The following KCNQ1 variants were observed in gnomAD, a reference collection of about 807,000 sequenced individuals.
KCNQ1 encodes the protein potassium voltage-gated channel subfamily Q member 1.
In KCNQ1, 49 loss-of-function variants were observed where a neutral mutation model predicts 72.4. The observed-to-expected ratio is 0.68, with a 90% CI of 0.54 to 0.86. The LOEUF (loss-of-function observed/expected upper bound fraction) is 0.86, where lower values mean the gene tolerates loss of function less well. Among genes scored for constraint, KCNQ1 ranks in the 40% least tolerant of loss-of-function variants. The pLI is 0.00. For synonymous variants in KCNQ1, 450 were observed against 412.6 expected (o/e 1.09, Z -1.10); for missense variants, 790 against 945.1 (o/e 0.84, Z 2.15).
rs1846815102 is a variant in KCNQ1 at position 2,781,076 on chromosome 11, C to T, written c.1794+3039C>T. On this transcript the variant is annotated intron_variant, in intron 15 of 15. Transcript: ENST00000155840. The surrounding 1 kb of genome is among the most constrained non-coding windows in gnomAD (Gnocchi z 6.6). ...GCGAGTCTACTTCCTGCGGGCCTCC[C>T]TCCCCTGTCAAATGAGAGGGTTTGA... 6.6e-6 allele frequency among the ~76,000 whole-genome samples: 1 copy of T among 152,160 alleles called. No homozygotes were observed. Among genetic ancestry groups the T allele is most frequent in the Admixed American group, 6.5e-5 (1 of 15,280 alleles).
intron 11 of KCNQ1, among the ~76,000 whole-genome samples, chr11:2,742,345 C>A (rs920938574): frequency 6.6e-6 from 1 of 152,198 alleles, no homozygotes; most frequent in Non-Finnish European, 1.5e-5. Flanking sequence ...AGGCATCAGG[C>A]GGCCTCAGGC....
chr11:2,672,952 A>G, intron 11 of KCNQ1: 1 of 398,802 alleles, frequency 2.5e-6, no homozygotes. Flanking sequence ...GCAAGGAATC[A>G]TGAACCCCAG....
intron 1 of KCNQ1, among the ~76,000 whole-genome samples, chr11:2,456,694 G>A (rs1430026712): frequency 6.6e-6 from 1 of 150,418 alleles, no homozygotes. Flanking sequence ...GGCCAAGGTG[G>A]GCAGATCACC....
chr11:2,733,828 T>TCTCTCTCC (rs1845901488), intron 11 of KCNQ1, among the ~76,000 whole-genome samples: 1 of 29,390 alleles, frequency 3.4e-5, no homozygotes, highest in Non-Finnish European at 7.3e-5. Flanking sequence ...TCTCACTCTC[T>TCTCTCTCC]CTCTCTCTCT....
In KCNQ1 at chr11:2,690,310, C is replaced by A. The variant is rs1850567621; in HGVS notation, c.1514+28229C>A. The A allele has an allele frequency of 7.5e-6, 3 of 398,680 alleles. No individual in the cohort carries two copies. Among genetic ancestry groups the A allele is most frequent in the African/African-American group, 2.1e-5 (1 of 48,752 alleles). The allele number at this position is 398,680 out of a possible 1,614,324, so 24.7% of individuals were successfully genotyped here. A position where few individuals can be genotyped will look rare whatever the true frequency, so the allele number is the denominator to read the frequency against. On this transcript the variant is annotated intron_variant, in intron 11 of 15. Coordinates refer to ENST00000155840, the MANE Select transcript of KCNQ1 (RefSeq NM_000218.3). This position sits in a 1 kb window ranked among gnomAD's most constrained non-coding sequence, Gnocchi z 5.1. The stretch of plus-strand genomic sequence containing the variant: ...TGTCTTCCTCCCTGTAGGATTGTCA[C>A]AAGGATTAAATGATGTCAAGTCTGA...
intron 2 of KCNQ1, among the ~76,000 whole-genome samples, chr11:2,561,563 G>A (rs1018220803): frequency 3.9e-4 from 60 of 152,354 alleles, no homozygotes; most frequent in African/African-American, 1.4e-3. Flanking sequence ...CATTTTACAG[G>A]TGTGGATGCT....
intron 2 of KCNQ1, among the ~76,000 whole-genome samples, chr11:2,561,020 G>A (rs1486591250): frequency 6.6e-6 from 1 of 151,732 alleles, no homozygotes; most frequent in Non-Finnish European, 1.5e-5. Flanking sequence ...GGCTAACACG[G>A]TGAAACCCCG....
Position 2,674,450 on chromosome 11 carries a change from G to C in KCNQ1, c.1514+12369G>C, listed in dbSNP as rs1305408055. ...GACCACAGAGGCTGGGGGGAGGCAC[G>C]TGGGGAGGAGGGCTGCCTGTCGAGA... On this transcript the variant is annotated intron_variant, in intron 11 of 15. Transcript: ENST00000155840. The surrounding 1 kb of genome is among the most constrained non-coding windows in gnomAD (Gnocchi z 5.9). 1.0e-5 allele frequency: 4 copies of C among 398,574 alleles called. No individual in the cohort carries two copies. The highest frequency in any genetic ancestry group is 1.3e-5 in the Non-Finnish European group (3 of 226,124). 24.7% of individuals were successfully genotyped at this position (398,574 alleles called of 1,614,324 possible).
At chr11:2,641,069 T>C (rs1336133535) in intron 10 of KCNQ1, 9 of 398,438 alleles carry the variant, frequency 2.3e-5, no homozygotes, top group Non-Finnish European at 4.0e-5. Flanking sequence ...TATCCACTGA[T>C]GTACACTTAG....
rs546430696 is a variant in KCNQ1 at position 2,664,179 on chromosome 11, T to C, written c.1514+2098T>C. ...CTGTTCCAAAAGTGGCTGCTAGATA[T>C]GAGCCAGCCTGGGAAGGCAGGAAGG... On this transcript the variant is annotated intron_variant, in intron 11 of 15. Transcript: ENST00000155840. This position sits in a 1 kb window ranked among gnomAD's most constrained non-coding sequence, Gnocchi z 5.1. 24 of 398,574 alleles carry C rather than the reference T, an allele frequency of 6.0e-5. 1 individual carries two copies. The East Asian group carries it at 7.1e-4, about 12-fold the overall frequency. 24.7% of individuals were successfully genotyped at this position (398,574 alleles called of 1,614,324 possible). A position where few individuals can be genotyped will look rare whatever the true frequency, so the allele number is the denominator to read the frequency against.
Position 2,732,413 on chromosome 11 carries a change from C to T in KCNQ1, c.1515-36431C>T, listed in dbSNP as rs113288780. On this transcript the variant is annotated intron_variant, in intron 11 of 15. Transcript: ENST00000155840. ...CCTCCTCTTTCCACACTATTCCTGA[C>T]GCCTGGGCTGGGCAGGGGACTCCTG... 3.5e-3 allele frequency among the ~76,000 whole-genome samples: 535 copies of T among 152,302 alleles called. 6 individuals are homozygous for T. Among genetic ancestry groups the T allele is most frequent in the African/African-American group, 0.012 (488 of 41,564 alleles).
In KCNQ1 at chr11:2,769,586, C is replaced by G. The variant is rs973500006; in HGVS notation, c.1590+667C>G. ...ATTGATGGCAGGCATGTCTCCCCTCCTGCCTTGGGGACATTCCTCGGATGA... is the reference window on the plus strand; with the variant it reads ...ATTGATGGCAGGCATGTCTCCCCTCGTGCCTTGGGGACATTCCTCGGATGA... On this transcript the variant is annotated intron_variant, in intron 12 of 15. Transcript: ENST00000155840. The surrounding 1 kb of genome is among the most constrained non-coding windows in gnomAD (Gnocchi z 4.6). 1.3e-5 allele frequency among the ~76,000 whole-genome samples: 2 copies of G among 152,244 alleles called. No individual in the cohort carries two copies. Among genetic ancestry groups the G allele is most frequent in the African/African-American group, 2.4e-5 (1 of 41,472 alleles).
chr11:2,664,707 G>T lies in KCNQ1; in HGVS notation c.1514+2626G>T. 1 of 398,762 alleles carries T rather than the reference G, an allele frequency of 2.5e-6. No individual in the cohort carries two copies. Among genetic ancestry groups the T allele is most frequent in the Non-Finnish European group, 4.4e-6 (1 of 226,166 alleles). 24.7% of individuals were successfully genotyped at this position (398,762 alleles called of 1,614,324 possible). ...GGCCCCATGGACCCTGAACTGGGAAGAGAGGCACACGCCCTGGTGTGTGTG... is the reference window on the plus strand; with the variant it reads ...GGCCCCATGGACCCTGAACTGGGAATAGAGGCACACGCCCTGGTGTGTGTG... On this transcript the variant is annotated intron_variant, in intron 11 of 15. Transcript: ENST00000155840. This position sits in a 1 kb window ranked among gnomAD's most constrained non-coding sequence, Gnocchi z 5.1.
intron 11 of KCNQ1, chr11:2,675,592 C>G (rs1850279342): frequency 2.5e-6 from 1 of 398,502 alleles, no homozygotes; most frequent in South Asian, 1.3e-4. Flanking sequence ...CTAGGAGATC[C>G]CAATTGCTCC....
In KCNQ1 at chr11:2,450,616, G is replaced by A. The variant is rs549599337; in HGVS notation, c.386+5132G>A. On this transcript the variant is annotated intron_variant, in intron 1 of 15. Coordinates refer to ENST00000155840, the MANE Select transcript of KCNQ1 (RefSeq NM_000218.3). This position sits in a 1 kb window ranked among gnomAD's most constrained non-coding sequence, Gnocchi z 7.9. ...CTGCTTGCATCTGGGGTCCCTGCGG[G>A]CACGTCGGTGAGACCGTCCTGGCCT... Among the ~76,000 whole-genome samples, 7 of 152,168 alleles carry A rather than the reference G, an allele frequency of 4.6e-5. No homozygotes were observed. Among genetic ancestry groups the A allele is most frequent in the Non-Finnish European group, 8.8e-5 (6 of 67,992 alleles).
chr11:2,533,967 G>A (rs1315575809), intron 2 of KCNQ1, among the ~76,000 whole-genome samples: 2 of 152,228 alleles, frequency 1.3e-5, no homozygotes, highest in African/African-American at 4.8e-5. Flanking sequence ...TAGGGGATGA[G>A]GTCATCGCTG....
chr11:2,540,496 G>A (rs1847806912), intron 2 of KCNQ1, among the ~76,000 whole-genome samples: 2 of 152,210 alleles, frequency 1.3e-5, no homozygotes, highest in Admixed American at 6.5e-5. Context: ...ACTGGCCAAC[G>A]GGATGCCTGG....
In KCNQ1 at chr11:2,523,063, C is replaced by T. The variant is rs151164673; in HGVS notation, c.387-4865C>T. The stretch of plus-strand genomic sequence containing the variant: ...GAGAGGCCCCTGCAGCTGGAATCCG[C>T]GCCATGAAGCCCAGGCGCGTGGTAT... On this transcript the variant is annotated intron_variant, in intron 1 of 15. Coordinates refer to ENST00000155840, the MANE Select transcript of KCNQ1 (RefSeq NM_000218.3). Among the ~76,000 whole-genome samples, 44 of 152,366 alleles carry T rather than the reference C, an allele frequency of 2.9e-4. No individual in the cohort carries two copies. The East Asian group carries it at 6.9e-3, about 24-fold the overall frequency.
At chr11:2,656,111 C>T (rs1055267617) in intron 10 of KCNQ1, 3 of 398,528 alleles carry the variant, frequency 7.5e-6, no homozygotes, top group East Asian at 7.1e-5. Context: ...AGCAACTCTA[C>T]GTTCTAGCCT....
Sources: allele counts gnomAD v4.1 joint callset (sites outside exome capture counted in the v4.1 genomes callset), GRCh38; gene constraint gnomAD v4.1.1; non-coding constraint Gnocchi (gnomAD v3.1); transcripts MANE v1.5; gene names NCBI Gene and HGNC (gene_info 2026-07-23, HGNC 2026-07-21).